Variants in KLC2 observed in about 807,000 individuals in gnomAD.
The protein encoded by KLC2 is KLC 2.
KLC2 carries 35 observed loss-of-function variants against 75.1 expected under a neutral mutation model. The observed-to-expected ratio is 0.47, with a 90% CI of 0.36 to 0.62. The LOEUF is 0.62. Ranked by LOEUF, KLC2 falls within the 20% of genes least tolerant of loss-of-function variation. The pLI, the probability that KLC2 is intolerant of heterozygous loss-of-function variation, is 0.00. For synonymous variants in KLC2, 314 were observed against 336.7 expected (o/e 0.93, Z 0.74); for missense variants, 611 against 833.2 (o/e 0.73, Z 3.28).
rs2134794138 is a variant in KLC2 at position 66,258,765 on chromosome 11, C to T, written c.171C>T (p.Arg57=). 6.2e-7 allele frequency: 1 copy of T among 1,613,502 alleles called. No individual in the cohort carries two copies. Among genetic ancestry groups the T allele is most frequent in the Non-Finnish European group, 8.5e-7 (1 of 1,180,000 alleles). The part of the protein sequence containing the change: ...AGEAEPGSQE[R]CILLRRSLEA... ...AAGCCGAGCCTGGCTCGCAGGAGCG[C>T]TGCATCCTCCTGCGTCGCTCCCTGG... The change falls in exon 2 of 16, where the codon CGC becomes CGT. Residue 57 remains arginine, a synonymous_variant. Coordinates refer to ENST00000394067, the MANE Select transcript of KLC2 (RefSeq NM_001318734.2).
At chr11:66,256,244 A>T (rs1055921104), upstream of KLC2, among the ~76,000 whole-genome samples, 7 of 152,106 alleles carry the variant, frequency 4.6e-5, no homozygotes, top group Admixed American at 4.6e-4. Flanking sequence ...AAATTGGAAA[A>T]AAAAAAAAGC....
At chr11:66,245,714 C>CAA in the KLC2 span, among the ~76,000 whole-genome samples, 6 of 128,830 alleles carry the variant, frequency 4.7e-5, no homozygotes, top group East Asian at 6.7e-4. Context: ...GACTCCGTCT[C>CAA]AAAAAAAAAA....
chr11:66,267,613 G>A lies in KLC2; in HGVS notation c.*657G>A, dbSNP rs1233390516. 6.7e-6 allele frequency: 4 copies of A among 597,908 alleles called. No homozygotes were observed. The highest frequency in any genetic ancestry group is 5.9e-5 in the South Asian group (3 of 51,158). 37.0% of individuals were successfully genotyped at this position (597,908 alleles called of 1,614,324 possible). On this transcript the variant is annotated 3_prime_UTR_variant, in exon 16 of 16. Coordinates refer to ENST00000394067, the MANE Select transcript of KLC2 (RefSeq NM_001318734.2). ...CCTCCCCTTAGTCCGTCCTCCCACC[G>A]CCGGGCCCTGCCCCGCATCCCGGCC...
intron 14 of KLC2, 96 bp downstream of exon 14, chr11:66,266,313 C>G: frequency 6.7e-7 from 1 of 1,493,860 alleles, no homozygotes; most frequent in South Asian, 1.3e-5. Context: ...GGCAACCTCC[C>G]CATCCCTCTC....
At position 66,265,248 on chromosome 11, in the gene KLC2, G is replaced by GGGCGA; in HGVS notation, c.1334+16_1334+17insGAGGC. 3 of 1,523,538 alleles carry GGGCGA rather than the reference G, an allele frequency of 2.0e-6. No individual in the cohort carries two copies. The highest frequency in any genetic ancestry group is 2.7e-6 in the Non-Finnish European group (3 of 1,096,918). The allele number at this position is 1,523,538 out of a possible 1,614,324, so 94.4% of individuals were successfully genotyped here. On this transcript the variant is annotated intron_variant, in intron 11 of 15. Coordinates refer to ENST00000394067, the MANE Select transcript of KLC2 (RefSeq NM_001318734.2). ...GTAAAGTAGACAGGTGAGTGGGGCG[G>GGGCGA]GGCTGGGCTGGGGAGCAGGGCACGG...
chr11:66,264,793 G>A, intron 9 of KLC2: 1 of 589,968 alleles, frequency 1.7e-6, no homozygotes, highest in Non-Finnish European at 3.0e-6. Flanking sequence ...CTCGGAGCCT[G>A]GCCCATCATT....
At chr11:66,261,596 T>C (rs940714687) in intron 2 of KLC2, 146 bp from the exon 3 acceptor site, 20 of 603,286 alleles carry the variant, frequency 3.3e-5, no homozygotes, top group Non-Finnish European at 5.9e-5. Flanking sequence ...GATTCTCCCT[T>C]GACAAGCAGA....
In KLC2 at chr11:66,261,812, G is replaced by A. The variant is rs753740357; in HGVS notation, c.299G>A (p.Arg100Gln). Residue 100 changes from arginine to glutamine, a missense_variant, in exon 3 of 16, where the codon CGG becomes CAG. Transcript: ENST00000394067. ...AAGCAGAAGCTGCGGGCGCAGGTGC[G>A]GCGTCTGGTGCAGGAGAACCAGTGG... Reference protein sequence around the residue: ...SEKQKLRAQVRRLVQENQWLR... With the variant: ...SEKQKLRAQVQRLVQENQWLR... 9 of 1,613,250 alleles carry A rather than the reference G, an allele frequency of 5.6e-6. No individual in the cohort carries two copies. The highest frequency in any genetic ancestry group is 2.2e-5 in the East Asian group (1 of 44,894).
the KLC2 span, among the ~76,000 whole-genome samples, chr11:66,251,937 G>A: frequency 3.9e-5 from 6 of 152,336 alleles, no homozygotes; most frequent in South Asian, 6.2e-4. Context: ...AGATGGAGAT[G>A]TGGGCCTCCC....
chr11:66,265,365 C>A, intron 11 of KLC2, 130 bp downstream of exon 11: 1 of 802,582 alleles, frequency 1.2e-6, no homozygotes, highest in Non-Finnish European at 2.0e-6. Flanking sequence ...TCACCTGTCC[C>A]AAGAAGGCTC....
At chr11:66,264,989 G>A (rs547969306) in intron 9 of KLC2, 34 bp from the exon 10 acceptor site, 2 of 1,610,352 alleles carry the variant, frequency 1.2e-6, no homozygotes, top group East Asian at 2.2e-5. Context: ...AGACCTATAT[G>A]GTAGGCTGGT....
the KLC2 span, among the ~76,000 whole-genome samples, chr11:66,248,740 T>G: frequency 1.3e-5 from 2 of 151,910 alleles, no homozygotes; most frequent in South Asian, 4.2e-4. Flanking sequence ...TCTTTTTTGT[T>G]GTTGATTTTA....
At chr11:66,255,910 C>T (rs1301293164), upstream of KLC2, among the ~76,000 whole-genome samples, 1 of 151,974 alleles carries the variant, frequency 6.6e-6, no homozygotes, top group African/African-American at 2.4e-5. Flanking sequence ...GGACTACAGG[C>T]GTGCGCCACC....
rs747888009 is a variant in KLC2, at chr11:66,262,959, C to T, written c.675C>T (p.Leu225=). The T allele has an allele frequency of 9.9e-6, 16 of 1,613,780 alleles. No individual in the cohort carries two copies. Among genetic ancestry groups the T allele is most frequent in the Admixed American group, 1.7e-5 (1 of 59,988 alleles). The change falls in exon 5 of 16, where the codon CTC becomes CTT. Residue 225 remains leucine, a synonymous_variant. Coordinates refer to ENST00000394067, the MANE Select transcript of KLC2 (RefSeq NM_001318734.2). ...CTGTGCCACTCTGCAAGCAGGCACT[C>T]GAAGACCTGGAGAAGACGTCAGGCC... ...EVAVPLCKQA[L]EDLEKTSGHD... is the part of the protein sequence containing the mutation.
In KLC2 at chr11:66,266,176, G is replaced by A. The variant is rs375099635; in HGVS notation, c.1686G>A (p.Lys562=). ...ALRRSSEMLV[K]KLQGGTPQEP... ...GGCGCAGCAGTGAGATGCTGGTAAA[G>A]AAGCTGCAGGGGGGCACCCCCCAGG... Residue 562 remains lysine (K), a synonymous_variant, in exon 14 of 16, where the codon AAG becomes AAA. Transcript: ENST00000394067. 4 of 1,612,182 alleles carry A rather than the reference G, an allele frequency of 2.5e-6. No homozygotes were observed. In the African/African-American group the frequency reaches 5.3e-5, roughly 22 times the overall value.
At chr11:66,251,388 A>G in the KLC2 span, among the ~76,000 whole-genome samples, 1 of 135,080 alleles carries the variant, frequency 7.4e-6, no homozygotes, top group Non-Finnish European at 1.7e-5. Context: ...GCTACTTGGG[A>G]AGCTGAGCCA....
At chr11:66,262,486 G>A in intron 4 of KLC2, 1 of 550,972 alleles carries the variant, frequency 1.8e-6, no homozygotes, top group Non-Finnish European at 3.3e-6. Context: ...CTCTGAAGGA[G>A]GCACATGCAG....
upstream of KLC2, among the ~76,000 whole-genome samples, chr11:66,253,257 C>T (rs1346302899): frequency 6.6e-6 from 1 of 152,144 alleles, no homozygotes; most frequent in African/African-American, 2.4e-5. Context: ...ACGTGGGCCA[C>T]TGTGCCCGGC....
In KLC2 at chr11:66,262,965, C is replaced by A. The variant is rs1334322740; in HGVS notation, c.681C>A (p.Asp227Glu). Residue 227 changes from aspartate (D) to glutamate (E), a missense_variant, in exon 5 of 16, where the codon GAC (aspartate) becomes GAA (glutamate). Physicochemically the swap from Asp to Glu is conservative, Grantham distance 45. Transcript: ENST00000394067. The part of the protein sequence containing the change: ...AVPLCKQALE[D>E]LEKTSGHDHP... ...CACTCTGCAAGCAGGCACTCGAAGACCTGGAGAAGACGTCAGGCCACGACC... is the reference window on the plus strand; with the variant it reads ...CACTCTGCAAGCAGGCACTCGAAGAACTGGAGAAGACGTCAGGCCACGACC... 1 of 1,613,928 alleles carries A rather than the reference C, an allele frequency of 6.2e-7. No homozygotes were observed. The highest frequency in any genetic ancestry group is 1.3e-5 in the African/African-American group (1 of 74,882).
Sources: gnomAD v4.1 joint callset for allele counts (sites outside exome capture counted in the v4.1 genomes callset) on GRCh38, gnomAD v4.1.1 for gene constraint, MANE v1.5 for transcripts, NCBI Gene and HGNC (gene_info 2026-07-23, HGNC 2026-07-21) for gene names.